The following ZMAT4 variants were observed in gnomAD, a reference collection of about 807,000 sequenced individuals.
ZMAT4 encodes the protein zinc finger matrin-type 4.
ZMAT4 carries 17 observed loss-of-function variants against 28.7 expected under a neutral mutation model. That is an observed-to-expected ratio of 0.59 (90% CI 0.41 to 0.89). ZMAT4 has a LOEUF of 0.89. Ranked by LOEUF, ZMAT4 falls within the 40% of genes least tolerant of loss-of-function variation. ZMAT4 has a pLI of 0.00. For synonymous variants in ZMAT4, 117 were observed against 109.2 expected, an observed-to-expected ratio of 1.07 and a Z score of -0.44; for missense variants, 240 against 283.8, an observed-to-expected ratio of 0.85 and a Z score of 1.11.
At chr8:40,562,863 A>G (rs915998706) in intron 6 of ZMAT4, among the ~76,000 whole-genome samples, 1 of 152,176 alleles carries the variant, frequency 6.6e-6, no homozygotes, top group Non-Finnish European at 1.5e-5. Context: ...TAGAAAAGAA[A>G]TACAAAATAT....
At chr8:40,786,105 A>G (rs1211420942) in intron 2 of ZMAT4, among the ~76,000 whole-genome samples, 1 of 152,216 alleles carries the variant, frequency 6.6e-6, no homozygotes, top group Non-Finnish European at 1.5e-5. Context: ...TTAGGAAGCC[A>G]GAAGAAATTT....
At chr8:40,697,183 C>G in intron 4 of ZMAT4, 62 bp downstream of exon 4, 1 of 1,482,260 alleles carries the variant, frequency 6.7e-7, no homozygotes, top group Non-Finnish European at 9.0e-7. Context: ...GGAGCATGAT[C>G]TGCAAGACAG....
At position 40,833,712 on chromosome 8, in the gene ZMAT4, G is replaced by A. The variant is rs116201663; in HGVS notation, c.-4-8032C>T. ...CTTTCATTCACACACCACCTGGGTCGACAGGCAGGAGAATCCCCCATGCAG... is the reference window on the plus strand; with the variant it reads ...CTTTCATTCACACACCACCTGGGTCAACAGGCAGGAGAATCCCCCATGCAG... On this transcript the variant is annotated intron_variant, in intron 1 of 6. Transcript: ENST00000297737. Among the ~76,000 whole-genome samples the A allele has an allele frequency of 5.9e-3, 903 of 152,132 alleles. 5 individuals carry two copies. The highest frequency in any genetic ancestry group is 0.021 in the African/African-American group (854 of 41,514).
chr8:40,680,016 C>A (rs1174502481), intron 4 of ZMAT4, among the ~76,000 whole-genome samples: 1 of 152,070 alleles, frequency 6.6e-6, no homozygotes, highest in Non-Finnish European at 1.5e-5. Context: ...TAAATATAAG[C>A]CAGTATCTGA....
chr8:40,532,308 C>A, intron 6 of ZMAT4, 70 bp from the exon 7 acceptor site: 11 of 1,413,714 alleles, frequency 7.8e-6, no homozygotes, highest in Non-Finnish European at 1.1e-5. Context: ...CTTTCTCCCC[C>A]CCACCCCCTG....
rs1563359930 is a variant in ZMAT4 at position 40,601,468 on chromosome 8, G to GAAAGAAAAAAGAAAGAAA, written c.578-20208_578-20207insTTTCTTTCTTTTTTCTTT. 1.2e-3 allele frequency among the ~76,000 whole-genome samples: 24 copies of GAAAGAAAAAAGAAAGAAA among 19,992 alleles called. 1 individual carries two copies. The highest frequency in any genetic ancestry group is 8.5e-3 in the East Asian group (7 of 822). 13.1% of individuals were successfully genotyped at this position (19,992 alleles called of 152,430 possible). A position where few individuals can be genotyped will look rare whatever the true frequency, so the allele number is the denominator to read the frequency against. On this transcript the variant is annotated intron_variant, in intron 5 of 6. Coordinates refer to ENST00000297737, the MANE Select transcript of ZMAT4 (RefSeq NM_024645.3). ...AGGAAGGAAGGAAGGGAGGAAGAAA[G>GAAAGAAAAAAGAAAGAAA]GAAAGAAAGAAAGAAAGAAAGAAAG...
chr8:40,534,956 T>TA (rs1387045939), intron 6 of ZMAT4, among the ~76,000 whole-genome samples: 1 of 152,116 alleles, frequency 6.6e-6, no homozygotes, highest in African/African-American at 2.4e-5. Context: ...GCGCTGGGAT[T>TA]ACAGGTGTGA....
At chr8:40,611,176 G>C (rs1174066990) in intron 5 of ZMAT4, among the ~76,000 whole-genome samples, 3 of 152,096 alleles carry the variant, frequency 2.0e-5, no homozygotes, top group Non-Finnish European at 4.4e-5. Context: ...TAGCATAAAA[G>C]CATAAGTATT....
At chr8:40,601,248 A>AT (rs559445592) in intron 5 of ZMAT4, among the ~76,000 whole-genome samples, 80 of 150,734 alleles carry the variant, frequency 5.3e-4, no homozygotes, top group East Asian at 2.5e-3. Flanking sequence ...CCTAGGCAGC[A>AT]TTTTTTTTTC....
At chr8:40,813,294 T>G (rs558803318) in intron 2 of ZMAT4, among the ~76,000 whole-genome samples, 2 of 151,926 alleles carry the variant, frequency 1.3e-5, no homozygotes, top group South Asian at 2.1e-4. Flanking sequence ...GGGATGGGTA[T>G]GAGAAAAGGG....
At chr8:40,855,199 A>T (rs1817254499) in intron 1 of ZMAT4, among the ~76,000 whole-genome samples, 1 of 152,198 alleles carries the variant, frequency 6.6e-6, no homozygotes, top group Non-Finnish European at 1.5e-5. Context: ...CGGTGTGTCC[A>T]GACCAGGAGC....
intron 2 of ZMAT4, among the ~76,000 whole-genome samples, chr8:40,779,526 T>C (rs183032220): frequency 1.3e-5 from 2 of 151,852 alleles, no homozygotes; most frequent in African/African-American, 4.8e-5. Flanking sequence ...CTGCCGGAGG[T>C]CAAACTGCAA....
intron 6 of ZMAT4, among the ~76,000 whole-genome samples, chr8:40,551,391 C>T (rs1041259755): frequency 2.0e-5 from 3 of 150,352 alleles, no homozygotes; most frequent in East Asian, 1.9e-4. Context: ...AAAGATATCA[C>T]GTTGTTCTAT....
intron 5 of ZMAT4, among the ~76,000 whole-genome samples, chr8:40,600,558 C>A (rs1805266255): frequency 6.6e-6 from 1 of 152,182 alleles, no homozygotes. Flanking sequence ...GTCCTAATCT[C>A]AAGAAGAGGA....
chr8:40,618,660 A>AG (rs1491288267), intron 5 of ZMAT4, among the ~76,000 whole-genome samples: 1 of 39,080 alleles, frequency 2.6e-5, no homozygotes, highest in Non-Finnish European at 1.0e-4. Flanking sequence ...CTACCACTAG[A>AG]AAAAAAAAAA....
rs1263454267 is a variant in ZMAT4, at chr8:40,743,616, C to A, written c.192+24025G>T. 2.0e-5 allele frequency among the ~76,000 whole-genome samples: 3 copies of A among 152,214 alleles called. No individual in the cohort carries two copies. The East Asian group carries it at 5.8e-4, about 29-fold the overall frequency. On this transcript the variant is annotated intron_variant, in intron 3 of 6. Transcript: ENST00000297737. ...GAGGACCACAGCGGACTAATAGAATCCCATTGGTCCTGGCTCCTCACAGAG... is the reference window on the plus strand; with the variant it reads ...GAGGACCACAGCGGACTAATAGAATACCATTGGTCCTGGCTCCTCACAGAG...
chr8:40,870,885 C>G (rs895636819), intron 1 of ZMAT4, among the ~76,000 whole-genome samples: 1 of 152,174 alleles, frequency 6.6e-6, no homozygotes, highest in African/African-American at 2.4e-5. Context: ...GATGCTGGAG[C>G]CACAATGTCA....
At chr8:40,659,263 C>T (rs983752289) in intron 5 of ZMAT4, among the ~76,000 whole-genome samples, 16 of 152,172 alleles carry the variant, frequency 1.1e-4, no homozygotes, top group South Asian at 6.2e-4. Context: ...GAAACGGAAA[C>T]GAGATGAGGG....
At chr8:40,606,625 T>C (rs1451752834) in intron 5 of ZMAT4, among the ~76,000 whole-genome samples, 1 of 152,236 alleles carries the variant, frequency 6.6e-6, no homozygotes, top group Non-Finnish European at 1.5e-5. Flanking sequence ...TTCATTCGTC[T>C]TGACTTTAGA....
Sources: allele counts gnomAD v4.1 joint callset (sites outside exome capture counted in the v4.1 genomes callset), GRCh38; gene constraint gnomAD v4.1.1; transcripts MANE v1.5; gene names NCBI Gene and HGNC (gene_info 2026-07-23, HGNC 2026-07-21).